OPALIN: variants seen among roughly 807,000 people sequenced by gnomAD.
OPALIN encodes oligodendrocytic myelin paranodal and inner loop protein.
OPALIN carries 15 observed loss-of-function variants against 17.8 expected under a neutral mutation model. The ratio of observed to expected loss-of-function variants is 0.84; its 90% confidence interval spans 0.56 to 1.29. The LOEUF (loss-of-function observed/expected upper bound fraction) is 1.29. OPALIN is among the 50% of genes most tolerant of loss of function. OPALIN has a pLI of 0.00. For synonymous variants in OPALIN, 62 were observed against 63.8 expected (o/e 0.97, Z 0.14); for missense variants, 170 against 176.0 (o/e 0.97, Z 0.19).
At chr10:96,354,137 A>G (rs1183536222) in intron 2 of OPALIN, among the ~76,000 whole-genome samples, 1 of 152,172 alleles carries the variant, frequency 6.6e-6, no homozygotes, top group East Asian at 1.9e-4. Flanking sequence ...CCCACTAAAA[A>G]ACTGGGCCAG....
chr10:96,348,389 A>T (rs745446975), intron 4 of OPALIN, 44 bp from the exon 5 acceptor site: 8 of 978,792 alleles, frequency 8.2e-6, no homozygotes, highest in Admixed American at 3.6e-5. Context: ...AAAGAAGAAG[A>T]AGTGAAGGGT....
intron 3 of OPALIN, among the ~76,000 whole-genome samples, chr10:96,350,278 C>G (rs1343270108): frequency 1.3e-5 from 2 of 152,154 alleles, no homozygotes; most frequent in Non-Finnish European, 2.9e-5. Flanking sequence ...TGCAATGGCA[C>G]AGTCTTGGCT....
Position 96,357,187 on chromosome 10 carries a change from A to T in OPALIN, c.3+1707T>A, listed in dbSNP as rs1056965687. ...ATGCAGCTGCCCAGAGCTTTATCTCATCAGTGGGCACTGAGGACTGATGTC... is the reference window on the plus strand; with the variant it reads ...ATGCAGCTGCCCAGAGCTTTATCTCTTCAGTGGGCACTGAGGACTGATGTC... On this transcript the variant is annotated intron_variant, in intron 1 of 5. Coordinates refer to ENST00000371172, the MANE Select transcript of OPALIN (RefSeq NM_033207.5). 1.8e-5 allele frequency: 18 copies of T among 973,834 alleles called. No homozygotes were observed. The African/African-American group carries it at 2.1e-4, about 11-fold the overall frequency. 60.3% of individuals were successfully genotyped at this position (973,834 alleles called of 1,614,324 possible). A position where few individuals can be genotyped will look rare whatever the true frequency, so the allele number is the denominator to read the frequency against.
chr10:96,355,438 C>T, intron 1 of OPALIN, 148 bp from the exon 2 acceptor site: 3 of 639,670 alleles, frequency 4.7e-6, no homozygotes, highest in Non-Finnish European at 8.1e-6. Context: ...CAGTCTTGGC[C>T]CCAAAAGAAG....
At chr10:96,349,246 G>A (rs566328126) in intron 4 of OPALIN, among the ~76,000 whole-genome samples, 1 of 152,110 alleles carries the variant, frequency 6.6e-6, no homozygotes, top group Non-Finnish European at 1.5e-5. Context: ...GCATTGGAGG[G>A]GTGGATTGGA....
chr10:96,351,920 C>T (rs991982385), intron 2 of OPALIN, among the ~76,000 whole-genome samples: 1 of 152,146 alleles, frequency 6.6e-6, no homozygotes, highest in Non-Finnish European at 1.5e-5. Context: ...AGTTATTGGT[C>T]CAATGAGTTA....
At chr10:96,346,149 A>G (rs750666103) in intron 5 of OPALIN, 32 bp from the exon 6 acceptor site, 15 of 1,598,374 alleles carry the variant, frequency 9.4e-6, no homozygotes, top group Non-Finnish European at 1.3e-5. Context: ...TTTAAAAACT[A>G]CAGCAGAGAA....
At position 96,345,972 on chromosome 10, in the gene OPALIN, C is replaced by T. The variant is rs1589382765; in HGVS notation, c.395G>A (p.Trp132Ter). 1 of 1,614,160 alleles carries T rather than the reference C, an allele frequency of 6.2e-7. No homozygotes were observed. Among genetic ancestry groups the T allele is most frequent in the Non-Finnish European group, 8.5e-7 (1 of 1,180,010 alleles). Residue 132 changes from tryptophan (W) to a stop codon, truncating the protein, a stop_gained, in exon 6 of 6, where the codon TGG becomes TAG. Coordinates refer to ENST00000371172, the MANE Select transcript of OPALIN (RefSeq NM_033207.5). LOFTEE classifies it high-confidence loss of function. ...CAGGCTCAGTCTGGGCACAAGCCAC[C>T]ACAATCCCCTCCTTCTTTCCATTTC... ...TIEMERRRGLWWLVPRLSLE is the reference protein window; with the variant it reads ...TIEMERRRGL
intron 1 of OPALIN, 140 bp from the exon 2 acceptor site, chr10:96,355,430 G>A (rs1845779667): frequency 1.1e-5 from 7 of 651,586 alleles, no homozygotes; most frequent in Non-Finnish European, 1.6e-5. Flanking sequence ...GTCCTGCACA[G>A]TCTTGGCCCC....
At chr10:96,353,471 C>T in intron 2 of OPALIN, 2 of 1,593,088 alleles carry the variant, frequency 1.3e-6, no homozygotes, top group Non-Finnish European at 1.7e-6. Flanking sequence ...AGAGAGCTGC[C>T]CAGGACTTTC....
intron 1 of OPALIN, chr10:96,356,827 C>T: frequency 1.0e-6 from 1 of 955,466 alleles, no homozygotes; most frequent in Non-Finnish European, 1.2e-6. Context: ...AATAGGACAC[C>T]CGCATTTTAT....
In OPALIN at chr10:96,346,134, G is replaced by C; in HGVS notation, c.250-17C>G. 3 of 1,610,066 alleles carry C rather than the reference G, an allele frequency of 1.9e-6. No individual in the cohort carries two copies. Among genetic ancestry groups the C allele is most frequent in the Non-Finnish European group, 1.7e-6 (2 of 1,177,478 alleles). On this transcript the variant is annotated splice_polypyrimidine_tract_variant and intron_variant, in intron 5 of 5. Transcript: ENST00000371172. ...CCTAGGATTCTTAAGGAAACAAATA[G>C]GTTTTTTAAAAACTACAGCAGAGAA...
intron 1 of OPALIN, chr10:96,357,116 C>A: frequency 1.0e-6 from 1 of 985,504 alleles, no homozygotes; most frequent in Middle Eastern, 5.2e-4. Flanking sequence ...CACGCTAGCA[C>A]CAGACCAACA....
At chr10:96,353,662 G>A (rs1166165453) in intron 2 of OPALIN, among the ~76,000 whole-genome samples, 1 of 152,132 alleles carries the variant, frequency 6.6e-6, no homozygotes, top group Non-Finnish European at 1.5e-5. Context: ...CCCAAGAAAT[G>A]GCTTCTTGCT....
chr10:96,357,048 G>C, intron 1 of OPALIN: 2 of 985,516 alleles, frequency 2.0e-6, no homozygotes, highest in Non-Finnish European at 2.4e-6. Flanking sequence ...GGAACACAGG[G>C]ACGTCTGGGC....
At chr10:96,354,848 C>A (rs1032744253) in intron 2 of OPALIN, among the ~76,000 whole-genome samples, 2 of 150,550 alleles carry the variant, frequency 1.3e-5, no homozygotes, top group South Asian at 2.1e-4. Context: ...ATAATCCCAG[C>A]ACTTTGGGAG....
chr10:96,358,450 C>T (rs1564888492), intron 1 of OPALIN, among the ~76,000 whole-genome samples: 1 of 152,174 alleles, frequency 6.6e-6, no homozygotes, highest in Admixed American at 6.5e-5. Context: ...TCACAGAACC[C>T]TCTTGTTTTC....
intron 1 of OPALIN, chr10:96,357,238 T>C: frequency 1.2e-6 from 1 of 829,158 alleles, no homozygotes; most frequent in Non-Finnish European, 1.5e-6. Flanking sequence ...AAGCTTCCTT[T>C]GGGAGGACAG....
At chr10:96,352,336 T>C (rs192055766) in intron 2 of OPALIN, among the ~76,000 whole-genome samples, 1 of 145,796 alleles carries the variant, frequency 6.9e-6, no homozygotes, top group Non-Finnish European at 1.5e-5. Context: ...ATTAACTCCA[T>C]TTTACAAAAA....
Sources: gnomAD v4.1 joint callset for allele counts (sites outside exome capture counted in the v4.1 genomes callset) on GRCh38, gnomAD v4.1.1 for gene constraint, MANE v1.5 for transcripts, NCBI Gene and HGNC (gene_info 2026-07-23, HGNC 2026-07-21) for gene names.